The following STAU2 variants were observed in gnomAD, a reference collection of about 807,000 sequenced individuals.
STAU2 encodes the protein staufen double-stranded RNA binding protein 2.
A neutral mutation model predicts 65.9 loss-of-function variants in STAU2; 20 were observed. The ratio of observed to expected loss-of-function variants is 0.30; its 90% CI spans 0.21 to 0.44. STAU2 has a LOEUF of 0.44. Among genes scored for constraint, STAU2 ranks in the 20% least tolerant of loss-of-function variants. STAU2 has a pLI of 1.00. For missense variants in STAU2, 558 were observed against 683.9 expected, an observed-to-expected ratio of 0.82 and a Z score of 2.05; for synonymous variants, 232 against 233.9, an observed-to-expected ratio of 0.99 and a Z score of 0.07.
chr8:73,701,356 G>A (rs1820089243), intron 4 of STAU2, among the ~76,000 whole-genome samples: 1 of 152,080 alleles, frequency 6.6e-6, no homozygotes, highest in South Asian at 2.1e-4. Context: ...GAATGGGAGA[G>A]AAATATGTGC....
At chr8:73,706,203 A>G (rs894847037) in intron 4 of STAU2, among the ~76,000 whole-genome samples, 14 of 151,782 alleles carry the variant, frequency 9.2e-5, no homozygotes, top group Non-Finnish European at 1.8e-4. Flanking sequence ...TGCAACCTCT[A>G]CCTCCCAGGT....
At chr8:73,423,020 G>A (rs67667307) in intron 13 of STAU2, among the ~76,000 whole-genome samples, 30,397 of 152,132 alleles carry the variant, frequency 0.2, 3,782 homozygotes, top group East Asian at 0.59. Context: ...AATTTCTCAC[G>A]TTACTGAAAC....
At chr8:73,731,119 C>G (rs895761863) in intron 3 of STAU2, among the ~76,000 whole-genome samples, 1 of 152,150 alleles carries the variant, frequency 6.6e-6, no homozygotes. Context: ...AATTGTTTTT[C>G]TTAGTGCTTT....
At chr8:73,456,548 C>T (rs1819081599) in intron 13 of STAU2, among the ~76,000 whole-genome samples, 1 of 151,842 alleles carries the variant, frequency 6.6e-6, no homozygotes, top group Non-Finnish European at 1.5e-5. Flanking sequence ...GGGGAGGGAG[C>T]AGGTGCTCCT....
chr8:73,645,214 T>G (rs1402236561), intron 6 of STAU2, among the ~76,000 whole-genome samples: 1 of 152,156 alleles, frequency 6.6e-6, no homozygotes, highest in Non-Finnish European at 1.5e-5. Flanking sequence ...GCAAGTAGAA[T>G]TTAGCAACAT....
chr8:73,538,289 C>T lies in STAU2; in HGVS notation c.1530+13723G>A, dbSNP rs182979841. On this transcript the variant is annotated intron_variant, in intron 13 of 14. Coordinates refer to ENST00000524300, the MANE Select transcript of STAU2 (RefSeq NM_001164380.2). ...ATAACCAGTAACAATAAAGTCAGTA[C>T]TATTTTTTTTACTTTTCTGAAAGTT... Among the ~76,000 whole-genome samples the T allele has an allele frequency of 4.2e-4, 64 of 152,186 alleles. No individual in the cohort carries two copies. The East Asian group carries it at 7.1e-3, about 17-fold the overall frequency.
chr8:73,666,706 C>T (rs1165419127), intron 6 of STAU2, among the ~76,000 whole-genome samples: 1 of 152,140 alleles, frequency 6.6e-6, no homozygotes, highest in Admixed American at 6.5e-5. Context: ...AGAATGTAGG[C>T]CATAAACTTG....
intron 13 of STAU2, among the ~76,000 whole-genome samples, chr8:73,519,816 C>T (rs1486509878): frequency 6.6e-6 from 1 of 152,206 alleles, no homozygotes; most frequent in East Asian, 1.9e-4. Context: ...GTGAGCAAGA[C>T]TCTGCCCTGT....
intron 5 of STAU2, among the ~76,000 whole-genome samples, chr8:73,686,731 T>C (rs1389383103): frequency 6.6e-6 from 1 of 151,318 alleles, no homozygotes; most frequent in African/African-American, 2.4e-5. Flanking sequence ...CAAAAACTAT[T>C]GAAATAAAAA....
intron 6 of STAU2, among the ~76,000 whole-genome samples, chr8:73,621,160 T>C (rs1363226701): frequency 6.6e-6 from 1 of 152,204 alleles, no homozygotes; most frequent in Non-Finnish European, 1.5e-5. Flanking sequence ...ATCCAAATTG[T>C]AATCTCCATG....
intron 3 of STAU2, among the ~76,000 whole-genome samples, chr8:73,729,196 T>TC (rs1288000281): frequency 2.0e-5 from 3 of 152,236 alleles, no homozygotes; most frequent in African/African-American, 7.2e-5. Context: ...GTGGGGGTTT[T>TC]CCCCGCTTCA....
At chr8:73,590,162 G>GAA (rs1810666574) in intron 11 of STAU2, among the ~76,000 whole-genome samples, 1 of 150,070 alleles carries the variant, frequency 6.7e-6, no homozygotes, top group African/African-American at 2.5e-5. Flanking sequence ...AGGATAAGAA[G>GAA]GAGAAGAAGA....
At position 73,471,288 on chromosome 8, in the gene STAU2, T is replaced by C. The variant is rs949599946; in HGVS notation, c.1531-48586A>G. On this transcript the variant is annotated intron_variant, in intron 13 of 14. Transcript: ENST00000524300. ...CCCAGGCTCAAGCAATCCTCCAGCC[T>C]TGGCCTCCCAGGTAGCCAGGACTAC... 2.0e-5 allele frequency among the ~76,000 whole-genome samples: 3 copies of C among 151,438 alleles called. No individual in the cohort carries two copies. The East Asian group carries it at 5.9e-4, about 30-fold the overall frequency.
intron 13 of STAU2, among the ~76,000 whole-genome samples, chr8:73,457,224 G>A (rs1585795878): frequency 1.6e-5 from 1 of 61,072 alleles, no homozygotes; most frequent in South Asian, 3.2e-4. Context: ...GAAACACACA[G>A]AAAGAAATTT....
intron 13 of STAU2, among the ~76,000 whole-genome samples, chr8:73,516,193 G>A (rs1822717948): frequency 6.6e-6 from 1 of 151,906 alleles, no homozygotes; most frequent in Non-Finnish European, 1.5e-5. Context: ...GCCCACCTTG[G>A]CCTCCCAAAG....
chr8:73,620,516 T>C (rs992120930), intron 6 of STAU2, among the ~76,000 whole-genome samples: 3 of 152,164 alleles, frequency 2.0e-5, no homozygotes, highest in African/African-American at 7.2e-5. Context: ...TCATAACACA[T>C]AACCATACTG....
intron 13 of STAU2, among the ~76,000 whole-genome samples, chr8:73,436,733 T>C (rs1380214032): frequency 1.3e-5 from 2 of 151,974 alleles, no homozygotes; most frequent in East Asian, 1.9e-4. Flanking sequence ...ATTACAGGCA[T>C]GCACCACCAC....
At chr8:73,431,997 G>A (rs13271903) in intron 13 of STAU2, among the ~76,000 whole-genome samples, 49,734 of 152,086 alleles carry the variant, frequency 0.33, 9,069 homozygotes, top group Non-Finnish European at 0.41. Flanking sequence ...GTTCTTTGTG[G>A]AGTCTTTGAG....
chr8:73,730,798 T>C (rs1352731496), intron 3 of STAU2, among the ~76,000 whole-genome samples: 2 of 151,736 alleles, frequency 1.3e-5, no homozygotes, highest in Non-Finnish European at 2.9e-5. Flanking sequence ...GTTCTGTATA[T>C]GTCTGTTAGG....
Sources: gnomAD v4.1 joint callset for allele counts (sites outside exome capture counted in the v4.1 genomes callset) on GRCh38, gnomAD v4.1.1 for gene constraint, MANE v1.5 for transcripts, NCBI Gene and HGNC (gene_info 2026-07-23, HGNC 2026-07-21) for gene names.